The following CDH20 variants were observed in gnomAD, a reference collection of about 807,000 sequenced individuals.
The protein encoded by CDH20 is cadherin-20.
CDH20 carries 29 observed loss-of-function variants against 74.2 expected under a neutral mutation model. The observed-to-expected ratio is 0.39, with a 90% CI of 0.29 to 0.53. The LOEUF is 0.53. Ranked by LOEUF, CDH20 falls within the 20% of genes least tolerant of loss-of-function variation. The pLI is 0.69. For missense variants in CDH20, 988 were observed against 1,048.3 expected (o/e 0.94, Z 0.79); for synonymous variants, 469 against 405.4 (o/e 1.16, Z -1.88).
chr18:61,345,207 G>A (rs775846207), intron 1 of CDH20, among the ~76,000 whole-genome samples: 12 of 152,288 alleles, frequency 7.9e-5, no homozygotes, highest in Middle Eastern at 3.4e-3. Flanking sequence ...CTGCCCTGGC[G>A]CTCACATGCA....
chr18:61,503,314 G>A (rs1017194212), intron 5 of CDH20, among the ~76,000 whole-genome samples, 194 bp downstream of exon 5: 3 of 152,072 alleles, frequency 2.0e-5, no homozygotes, highest in Non-Finnish European at 4.4e-5. Flanking sequence ...ACTAAACCAG[G>A]ATTTCTCAAA....
rs774706551 is a variant in CDH20 at position 61,405,101 on chromosome 18, CAG to C, written c.-153+71277_-153+71278del. ...TTGCTTTGCCTTGTCTGATCATCTT[CAG>C]AGTCTGCTTGTACCCCAGCACATGC... is the stretch of plus-strand genomic sequence containing the variant. On this transcript the variant is annotated intron_variant, in intron 1 of 11. Transcript: ENST00000262717. The C allele has an allele frequency of 1.2e-3, 785 of 657,314 alleles. 5 individuals are homozygous for C. The highest frequency in any genetic ancestry group is 1.3e-3 in the Middle Eastern group (3 of 2,258). 40.7% of individuals were successfully genotyped at this position (657,314 alleles called of 1,614,324 possible).
chr18:61,471,714 C>T (rs953477243), intron 1 of CDH20, among the ~76,000 whole-genome samples: 4 of 152,106 alleles, frequency 2.6e-5, no homozygotes, highest in African/African-American at 9.7e-5. Flanking sequence ...CCTCTTATGG[C>T]AATTAAGATC....
chr18:61,545,218 CAA>C, intron 10 of CDH20, 74 bp downstream of exon 10: 1 of 866,696 alleles, frequency 1.2e-6, no homozygotes, highest in Non-Finnish European at 2.0e-6. Flanking sequence ...CTGTCTTATG[CAA>C]ACAGTGTCAA....
chr18:61,390,266 G>GAA (rs1162463772), intron 1 of CDH20, among the ~76,000 whole-genome samples: 1 of 152,184 alleles, frequency 6.6e-6, no homozygotes, highest in Non-Finnish European at 1.5e-5. Context: ...GTGATTTAGT[G>GAA]AAATACATAA....
At position 61,503,136 on chromosome 18, in the gene CDH20, A is replaced by G. The variant is rs1911443186; in HGVS notation, c.829+16A>G. On this transcript the variant is annotated intron_variant, in intron 5 of 11. Transcript: ENST00000262717. ...TTTCCCCAGAGTGAGTACCTAACCC[A>G]AGAGAGCACAGACCTCGGGCCCAGA... 6.3e-7 allele frequency: 1 copy of G among 1,576,712 alleles called. No homozygotes were observed. Among genetic ancestry groups the G allele is most frequent in the Non-Finnish European group, 8.6e-7 (1 of 1,161,940 alleles).
intron 6 of CDH20, among the ~76,000 whole-genome samples, chr18:61,517,915 A>G (rs1259233029): frequency 6.6e-6 from 1 of 152,206 alleles, no homozygotes; most frequent in Middle Eastern, 3.4e-3. Context: ...TCGACCTGGG[A>G]CACTGGAGCT....
At chr18:61,529,989 C>A in intron 7 of CDH20, among the ~76,000 whole-genome samples, 1 of 152,090 alleles carries the variant, frequency 6.6e-6, no homozygotes, top group East Asian at 1.9e-4. Flanking sequence ...GGGCAGGGTC[C>A]ACTGGGCTGT....
intron 1 of CDH20, among the ~76,000 whole-genome samples, chr18:61,445,761 C>A (rs75642847): frequency 0.083 from 12,586 of 152,220 alleles, 624 homozygotes; most frequent in South Asian, 0.13. Flanking sequence ...CAACTATAAT[C>A]ATTTATCTTT....
chr18:61,513,982 A>G (rs1343094282), intron 6 of CDH20, among the ~76,000 whole-genome samples: 6 of 151,696 alleles, frequency 4.0e-5, no homozygotes, highest in Admixed American at 3.9e-4. Context: ...TGTGTCTTGG[A>G]GTTGCTCTTC....
intron 1 of CDH20, among the ~76,000 whole-genome samples, chr18:61,484,920 C>A (rs950499152): frequency 1.2e-4 from 18 of 152,104 alleles, no homozygotes; most frequent in African/African-American, 4.1e-4. Flanking sequence ...AGCACTCTCG[C>A]ATAAACTGGT....
chr18:61,379,499 A>G (rs1393908740), intron 1 of CDH20, among the ~76,000 whole-genome samples: 2 of 152,330 alleles, frequency 1.3e-5, no homozygotes, highest in East Asian at 1.9e-4. Context: ...AGGCTCCACA[A>G]TATAAAGCTT....
chr18:61,373,409 G>A (rs138044779), intron 1 of CDH20, among the ~76,000 whole-genome samples: 84 of 151,990 alleles, frequency 5.5e-4, no homozygotes, highest in Non-Finnish European at 1.1e-3. Flanking sequence ...ACTATTACCC[G>A]AGACTACTTC....
intron 1 of CDH20, among the ~76,000 whole-genome samples, chr18:61,478,072 G>A (rs1483133085): frequency 1.3e-5 from 2 of 151,980 alleles, no homozygotes; most frequent in Non-Finnish European, 2.9e-5. Context: ...GGTGGCACAT[G>A]CCTGTAGTCC....
intron 1 of CDH20, among the ~76,000 whole-genome samples, chr18:61,366,208 G>A (rs1225575223): frequency 1.3e-5 from 2 of 151,920 alleles, no homozygotes; most frequent in East Asian, 1.9e-4. Flanking sequence ...AAATGTCAGG[G>A]GCCAGAGAAA....
intron 1 of CDH20, among the ~76,000 whole-genome samples, chr18:61,481,834 A>T (rs1910600158): frequency 6.6e-6 from 1 of 152,072 alleles, no homozygotes; most frequent in African/African-American, 2.4e-5. Flanking sequence ...ACAAGTATGA[A>T]CCCACCATGC....
chr18:61,458,270 A>T (rs1156967562), intron 1 of CDH20, among the ~76,000 whole-genome samples: 1 of 152,178 alleles, frequency 6.6e-6, no homozygotes, highest in Non-Finnish European at 1.5e-5. Flanking sequence ...TTCCTTACTG[A>T]AGAGGAATAG....
chr18:61,547,995 C>T (rs1298991389), intron 10 of CDH20, among the ~76,000 whole-genome samples: 5 of 151,928 alleles, frequency 3.3e-5, no homozygotes, highest in African/African-American at 1.2e-4. Flanking sequence ...CATGACCTCA[C>T]CTGGATTAAA....
chr18:61,406,813 A>G (rs1912345400), intron 1 of CDH20, among the ~76,000 whole-genome samples: 1 of 152,340 alleles, frequency 6.6e-6, no homozygotes, highest in Middle Eastern at 3.4e-3. Context: ...AGCCATAGTA[A>G]GTCAGCGGGA....
Sources: gnomAD v4.1 joint callset for allele counts (sites outside exome capture counted in the v4.1 genomes callset) on GRCh38, gnomAD v4.1.1 for gene constraint, MANE v1.5 for transcripts, NCBI Gene and HGNC (gene_info 2026-07-23, HGNC 2026-07-21) for gene names.